The following CFAP69 variants were observed in gnomAD, a reference collection of about 807,000 sequenced individuals.
CFAP69 encodes cilia- and flagella-associated protein 69.
In CFAP69, 92 loss-of-function variants were observed where a neutral mutation model predicts 123.0. The ratio of observed to expected loss-of-function variants is 0.75; its 90% CI spans 0.63 to 0.89. The LOEUF (loss-of-function observed/expected upper bound fraction) is 0.89, where lower values mean the gene tolerates loss of function less well. Among genes scored for constraint, CFAP69 ranks in the 40% least tolerant of loss-of-function variants. The pLI is 0.00. For synonymous variants in CFAP69, 380 were observed against 364.3 expected (o/e 1.04, Z -0.49); for missense variants, 1,067 against 1,096.9 (o/e 0.97, Z 0.39).
At chr7:90,273,790 G>A (rs1383957132) in intron 8 of CFAP69, among the ~76,000 whole-genome samples, 197 bp from the exon 9 acceptor site, 1 of 152,068 alleles carries the variant, frequency 6.6e-6, no homozygotes, top group Non-Finnish European at 1.5e-5. Context: ...CTTACATGGA[G>A]GAAAGAGAGC....
At chr7:90,271,751 G>C in intron 7 of CFAP69, 30 bp from the exon 8 acceptor site, 4 of 1,581,530 alleles carry the variant, frequency 2.5e-6, no homozygotes, top group Non-Finnish European at 3.4e-6. Flanking sequence ...ATATTGTAAA[G>C]CACAAATAAT....
chr7:90,304,561 C>A, intron 18 of CFAP69, 183 bp from the exon 19 acceptor site: 1 of 1,369,310 alleles, frequency 7.3e-7, no homozygotes, highest in South Asian at 1.7e-5. Flanking sequence ...AGAAAGAAGC[C>A]TACTCACAAG....
intron 12 of CFAP69, among the ~76,000 whole-genome samples, chr7:90,282,509 T>A (rs920727667): frequency 1.6e-4 from 24 of 152,334 alleles, no homozygotes; most frequent in African/African-American, 5.5e-4. Flanking sequence ...TGAACCAGAA[T>A]GTTTATTGTA....
At chr7:90,253,298 C>A (rs1311601443) in intron 1 of CFAP69, among the ~76,000 whole-genome samples, 1 of 152,122 alleles carries the variant, frequency 6.6e-6, no homozygotes, top group African/African-American at 2.4e-5. Context: ...ATTTGTAGAT[C>A]CCTGTATCAT....
Position 90,310,361 on chromosome 7 carries a change from C to A in CFAP69, c.*123C>A. ...TTAGTATAAATATTTTAGTAAAATACTATAAAAATAAAAGGACATATAATT... is the reference window on the plus strand; with the variant it reads ...TTAGTATAAATATTTTAGTAAAATAATATAAAAATAAAAGGACATATAATT... On this transcript the variant is annotated 3_prime_UTR_variant, in exon 23 of 23. Transcript: ENST00000389297. 2 of 479,974 alleles carry A rather than the reference C, an allele frequency of 4.2e-6. No individual in the cohort carries two copies. The highest frequency in any genetic ancestry group is 4.3e-5 in the Admixed American group (1 of 23,234). 29.7% of individuals were successfully genotyped at this position (479,974 alleles called of 1,614,324 possible).
the CFAP69 span, among the ~76,000 whole-genome samples, chr7:90,319,971 C>A: frequency 1.3e-5 from 2 of 152,100 alleles, no homozygotes; most frequent in Non-Finnish European, 2.9e-5. Context: ...CTTTGAAATG[C>A]AACACATTTA....
At chr7:90,294,818 C>A (rs533753482) in intron 15 of CFAP69, among the ~76,000 whole-genome samples, 6 of 152,200 alleles carry the variant, frequency 3.9e-5, no homozygotes, top group Non-Finnish European at 8.8e-5. Flanking sequence ...CAAATCATTT[C>A]TCCCATTAAT....
intron 1 of CFAP69, among the ~76,000 whole-genome samples, chr7:90,251,011 C>T (rs1217235839): frequency 6.6e-6 from 1 of 152,062 alleles, no homozygotes; most frequent in Non-Finnish European, 1.5e-5. Flanking sequence ...GCTACCTATT[C>T]AAGGCCCAAA....
intron 22 of CFAP69, among the ~76,000 whole-genome samples, chr7:90,309,787 G>A (rs1275152568): frequency 1.3e-5 from 2 of 152,088 alleles, no homozygotes; most frequent in African/African-American, 4.8e-5. Context: ...CAGAAAAGAC[G>A]CAGTGCTTCC....
intron 16 of CFAP69, among the ~76,000 whole-genome samples, chr7:90,298,758 T>C (rs1158289882): frequency 6.6e-6 from 1 of 152,200 alleles, no homozygotes; most frequent in African/African-American, 2.4e-5. Flanking sequence ...TATTATAGAT[T>C]AAATATAGTG....
In CFAP69 at chr7:90,245,456, A is replaced by G; in HGVS notation, c.32A>G (p.Glu11Gly). MWTEEAGATA[E>G]AQESGIRNKS... ...ACAGAGGAAGCCGGGGCGACCGCCG[A>G]GGCCCAGGAATCCGGCATCAGGAAC... Residue 11 changes from glutamate (E) to glycine (G), a missense_variant, in exon 1 of 23, where the codon GAG becomes GGG. Coordinates refer to ENST00000389297, the MANE Select transcript of CFAP69 (RefSeq NM_001039706.3). The G allele has an allele frequency of 6.4e-7, 1 of 1,557,750 alleles. No individual in the cohort carries two copies. Among genetic ancestry groups the G allele is most frequent in the Non-Finnish European group, 8.7e-7 (1 of 1,154,608 alleles).
chr7:90,276,966 C>G (rs549633076), intron 9 of CFAP69, 107 bp from the exon 10 acceptor site: 3 of 771,390 alleles, frequency 3.9e-6, no homozygotes, highest in Non-Finnish European at 5.9e-6. Context: ...AAATGAATGA[C>G]AGTAGGAGAA....
At chr7:90,321,826 G>A in the CFAP69 span, among the ~76,000 whole-genome samples, 71 of 152,230 alleles carry the variant, frequency 4.7e-4, no homozygotes, top group African/African-American at 1.7e-3. Flanking sequence ...ATGAAGACCC[G>A]AGCAAGTACC....
chr7:90,272,011 A>G, intron 8 of CFAP69, 53 bp downstream of exon 8: 6 of 1,478,994 alleles, frequency 4.1e-6, no homozygotes, highest in Non-Finnish European at 5.5e-6. Context: ...AATGACAGCC[A>G]GTGACATAAC....
chr7:90,254,516 T>C (rs890841460), intron 1 of CFAP69, among the ~76,000 whole-genome samples: 15 of 152,214 alleles, frequency 9.9e-5, no homozygotes, highest in Non-Finnish European at 1.3e-4. Flanking sequence ...TGAGAGAACT[T>C]TGGGGCAGGG....
At chr7:90,309,668 T>A (rs1338113027) in intron 22 of CFAP69, among the ~76,000 whole-genome samples, 1 of 152,208 alleles carries the variant, frequency 6.6e-6, no homozygotes, top group Non-Finnish European at 1.5e-5. Flanking sequence ...ATCTCCAATG[T>A]ATATCCACTT....
intron 1 of CFAP69, chr7:90,252,027 A>ATG (rs1399688652): frequency 6.6e-6 from 1 of 151,988 alleles, no homozygotes; most frequent in African/African-American, 2.4e-5. Flanking sequence ...TTAAAAAAAA[A>ATG]AATCCTGCAT....
At chr7:90,282,213 G>C (rs1789595196) in intron 12 of CFAP69, among the ~76,000 whole-genome samples, 2 of 150,910 alleles carry the variant, frequency 1.3e-5, no homozygotes, top group East Asian at 3.9e-4. Flanking sequence ...GCTGGTCATA[G>C]TGGCACACAC....
the CFAP69 span, chr7:90,319,528 A>G: frequency 1.8e-5 from 7 of 398,510 alleles, 1 homozygote; most frequent in South Asian, 3.8e-4. Flanking sequence ...GAACAACATG[A>G]AATTCCAAAA....
Sources: gnomAD v4.1 joint callset for allele counts (sites outside exome capture counted in the v4.1 genomes callset) on GRCh38, gnomAD v4.1.1 for gene constraint, MANE v1.5 for transcripts, NCBI Gene and HGNC (gene_info 2026-07-23, HGNC 2026-07-21) for gene names.